PBRM1: variants seen among roughly 807,000 people sequenced by gnomAD.
PBRM1 encodes polybromo 1.
In PBRM1, 27 loss-of-function variants were observed where a neutral mutation model predicts 194.5. That is an observed-to-expected ratio of 0.14 (90% confidence interval 0.10 to 0.19). The LOEUF (loss-of-function observed/expected upper bound fraction) is 0.19, where lower values mean the gene tolerates loss of function less well. PBRM1 is among the 10% of genes least tolerant of loss of function. PBRM1 has a pLI of 1.00. For synonymous variants in PBRM1, 655 were observed against 693.2 expected, an observed-to-expected ratio of 0.94 and a Z score of 0.87; for missense variants, 1,466 against 2,077.2, an observed-to-expected ratio of 0.71 and a Z score of 5.72.
chr3:52,668,731 C>A, intron 2 of PBRM1, 86 bp from the exon 4 acceptor site: 4 of 545,806 alleles, frequency 7.3e-6, no homozygotes, highest in Non-Finnish European at 1.1e-5. Context: ...TAATGTTCAA[C>A]ATTCCAAGTG....
chr3:52,561,554 C>A (rs1180598432), intron 25 of PBRM1, among the ~76,000 whole-genome samples: 2 of 152,132 alleles, frequency 1.3e-5, no homozygotes, highest in Non-Finnish European at 2.9e-5. Context: ...GGGGAAAATA[C>A]AACACCAGGA....
chr3:52,576,471 C>G, intron 22 of PBRM1, 70 bp downstream of exon 24: 1 of 1,214,254 alleles, frequency 8.2e-7, no homozygotes, highest in South Asian at 1.5e-5. Context: ...AGAACAGTGC[C>G]CCACAGAAGT....
intron 17 of PBRM1, among the ~76,000 whole-genome samples, chr3:52,594,143 C>T (rs997617221): frequency 6.6e-6 from 1 of 152,100 alleles, no homozygotes; most frequent in Admixed American, 6.6e-5. Flanking sequence ...TGGCCTCCCA[C>T]AGTGTTGGGA....
At chr3:52,626,376 A>C (rs1218125121) in intron 13 of PBRM1, among the ~76,000 whole-genome samples, 1 of 152,244 alleles carries the variant, frequency 6.6e-6, no homozygotes, top group Non-Finnish European at 1.5e-5. Context: ...CCTCTTTTCT[A>C]AACTACTTTT....
At chr3:52,584,340 T>G (rs2091976157) in intron 20 of PBRM1, among the ~76,000 whole-genome samples, 1 of 152,082 alleles carries the variant, frequency 6.6e-6, no homozygotes, top group Non-Finnish European at 1.5e-5. Context: ...CTAGTTTATA[T>G]ATGAAGACTA....
intron 1 of PBRM1, among the ~76,000 whole-genome samples, chr3:52,678,954 A>C (rs911396337): frequency 6.6e-6 from 1 of 152,228 alleles, no homozygotes; most frequent in Non-Finnish European, 1.5e-5. Context: ...AGAAGGGTTT[A>C]TCACTTCACA....
intron 3 of PBRM1, among the ~76,000 whole-genome samples, chr3:52,665,439 T>C (rs1379908388): frequency 6.6e-6 from 1 of 152,090 alleles, no homozygotes; most frequent in East Asian, 1.9e-4. Flanking sequence ...GCTGGGATTA[T>C]AGGCATGAGC....
At chr3:52,658,202 T>C in exon 5 of PBRM1, 1 of 1,508,852 alleles carries the variant, frequency 6.6e-7, no homozygotes, top group Non-Finnish European at 9.2e-7. Context: ...CACTTACCAC[T>C]TTAGAAGGCA....
chr3:52,664,463 C>T (rs1439291353), intron 3 of PBRM1, among the ~76,000 whole-genome samples: 8 of 147,778 alleles, frequency 5.4e-5, no homozygotes, highest in Non-Finnish European at 8.9e-5. Context: ...ACGCTGGGCG[C>T]GGTGGCTCAC....
At chr3:52,548,054 A>C in exon 30 of PBRM1, 1 of 1,607,250 alleles carries the variant, frequency 6.2e-7, no homozygotes, top group Non-Finnish European at 8.5e-7. Flanking sequence ...AAGAAACGTA[A>C]TGATGTGATT....
At chr3:52,550,926 T>C in intron 27 of PBRM1, 109 bp from the exon 30 acceptor site, 1 of 678,266 alleles carries the variant, frequency 1.5e-6, no homozygotes, top group Non-Finnish European at 2.5e-6. Flanking sequence ...TATGTACCTC[T>C]GCCCTTGAAT....
At chr3:52,647,643 G>A (rs371883519) in intron 7 of PBRM1, among the ~76,000 whole-genome samples, 16 of 151,396 alleles carry the variant, frequency 1.1e-4, no homozygotes, top group South Asian at 1.0e-3. Context: ...ATATTATTCC[G>A]CAATAAAAAG....
chr3:52,557,124 A>G (rs1208068878), intron 26 of PBRM1, among the ~76,000 whole-genome samples: 1 of 152,114 alleles, frequency 6.6e-6, no homozygotes, highest in Admixed American at 6.5e-5. Flanking sequence ...AACCCCATTA[A>G]CCAAAATGGG....
intron 17 of PBRM1, among the ~76,000 whole-genome samples, chr3:52,597,870 AT>A (rs1236747685): frequency 1.3e-5 from 2 of 152,040 alleles, no homozygotes; most frequent in African/African-American, 4.8e-5. Flanking sequence ...CACCCGGCTA[AT>A]TTTTGTATTT....
chr3:52,594,522 C>A (rs1248440710), intron 17 of PBRM1, among the ~76,000 whole-genome samples: 1 of 152,154 alleles, frequency 6.6e-6, no homozygotes, highest in Non-Finnish European at 1.5e-5. Flanking sequence ...TCCCATTAGA[C>A]CTTGCTTATT....
chr3:52,619,055 G>A (rs950243513), intron 13 of PBRM1, among the ~76,000 whole-genome samples: 3 of 151,832 alleles, frequency 2.0e-5, no homozygotes, highest in African/African-American at 4.8e-5. Flanking sequence ...GGCTGTGCCC[G>A]GCTAATTTTT....
intron 13 of PBRM1, among the ~76,000 whole-genome samples, chr3:52,621,270 C>T (rs2153528739): frequency 6.6e-6 from 1 of 152,302 alleles, no homozygotes; most frequent in East Asian, 1.9e-4. Flanking sequence ...CACCATTCTC[C>T]TGCCTCAGCC....
chr3:52,641,689 C>T (rs929222282), intron 10 of PBRM1, among the ~76,000 whole-genome samples: 1 of 152,006 alleles, frequency 6.6e-6, no homozygotes, highest in African/African-American at 2.4e-5. Flanking sequence ...CTAGTACTCA[C>T]TATTTATCAT....
At chr3:52,618,758 CT>C (rs1241879972) in intron 13 of PBRM1, among the ~76,000 whole-genome samples, 15 of 142,466 alleles carry the variant, frequency 1.1e-4, no homozygotes, top group Admixed American at 2.1e-4. Flanking sequence ...CGACGCCCTG[CT>C]TTTTTTTTTG....
Sources: allele counts gnomAD v4.1 joint callset (sites outside exome capture counted in the v4.1 genomes callset), GRCh38; gene constraint gnomAD v4.1.1; transcripts MANE v1.5; gene names NCBI Gene and HGNC (gene_info 2026-07-23, HGNC 2026-07-21).